ELL2: variants seen among roughly 807,000 people sequenced by gnomAD.
The protein encoded by ELL2 is RNA polymerase II elongation factor ELL2.
A neutral mutation model predicts 72.8 loss-of-function variants in ELL2; 21 were observed. The ratio of observed to expected loss-of-function variants is 0.29; its 90% CI spans 0.20 to 0.42. The LOEUF (loss-of-function observed/expected upper bound fraction) is 0.42. Ranked by LOEUF, ELL2 falls within the 10% of genes least tolerant of loss-of-function variation. The pLI is 1.00. For synonymous variants in ELL2, 266 were observed against 283.2 expected (o/e 0.94, Z 0.61); for missense variants, 568 against 772.8 (o/e 0.73, Z 3.14).
intron 2 of ELL2, among the ~76,000 whole-genome samples, chr5:95,927,385 GTGTA>G (rs1279160200): frequency 1.4e-5 from 1 of 73,692 alleles, no homozygotes; most frequent in Non-Finnish European, 2.4e-5. Flanking sequence ...ACACACACGT[GTGTA>G]TATATAGACA....
chr5:95,905,161 A>T (rs11744881), intron 5 of ELL2, among the ~76,000 whole-genome samples: 50,075 of 151,756 alleles, frequency 0.33, 9,038 homozygotes, highest in African/African-American at 0.49. Flanking sequence ...GATGCTCTAG[A>T]TTCTATCAAA....
At chr5:95,959,985 G>T (rs1225351882) in intron 1 of ELL2, among the ~76,000 whole-genome samples, 1 of 152,118 alleles carries the variant, frequency 6.6e-6, no homozygotes, top group Non-Finnish European at 1.5e-5. Context: ...TATGGGGTGG[G>T]GGGGCTCTCT....
intron 2 of ELL2, among the ~76,000 whole-genome samples, chr5:95,932,411 A>G (rs1320471614): frequency 3.9e-5 from 6 of 152,220 alleles, no homozygotes; most frequent in Admixed American, 2.6e-4. Flanking sequence ...CTATGCCTTC[A>G]CATAGAGAAA....
intron 1 of ELL2, among the ~76,000 whole-genome samples, chr5:95,961,219 T>C (rs1751834727): frequency 6.6e-6 from 1 of 151,898 alleles, no homozygotes; most frequent in South Asian, 2.1e-4. Context: ...CCGCCGAGGG[T>C]AGCGTGGTCA....
intron 4 of ELL2, among the ~76,000 whole-genome samples, chr5:95,910,814 A>T (rs1749561345): frequency 6.6e-6 from 1 of 152,244 alleles, no homozygotes; most frequent in Admixed American, 6.5e-5. Flanking sequence ...AAGCTGGCAT[A>T]GGTAAACTTC....
intron 4 of ELL2, among the ~76,000 whole-genome samples, chr5:95,907,292 A>ACATTTTTTTTTTT (rs1554075681): frequency 1.3e-5 from 1 of 76,042 alleles, no homozygotes; most frequent in African/African-American, 7.4e-5. Flanking sequence ...ATATATATAT[A>ACATTTTTTTTTTT]TATATTTTTT....
At position 95,934,249 on chromosome 5, in the gene ELL2, T is replaced by C. The variant is rs536163742; in HGVS notation, c.195+8753A>G. Among the ~76,000 whole-genome samples, 113 of 152,274 alleles carry C rather than the reference T, an allele frequency of 7.4e-4. 1 individual carries two copies. The highest frequency in any genetic ancestry group is 2.1e-3 in the African/African-American group (89 of 41,538). On this transcript the variant is annotated intron_variant, in intron 2 of 11. Transcript: ENST00000237853. ...CATAACATACCTTACTAAGTGGTTATTAAACCCTAGGCTTTTCATGTATTA... is the reference window on the plus strand; with the variant it reads ...CATAACATACCTTACTAAGTGGTTACTAAACCCTAGGCTTTTCATGTATTA...
At chr5:95,947,531 C>G (rs1486898219) in intron 1 of ELL2, among the ~76,000 whole-genome samples, 1 of 152,126 alleles carries the variant, frequency 6.6e-6, no homozygotes, top group African/African-American at 2.4e-5. Flanking sequence ...CTCCTAAAAC[C>G]AGCCCTGGGT....
At chr5:95,906,245 T>C (rs1749355117) in intron 5 of ELL2, among the ~76,000 whole-genome samples, 1 of 152,162 alleles carries the variant, frequency 6.6e-6, no homozygotes, top group Admixed American at 6.5e-5. Context: ...TAAAAACAGA[T>C]AACAAACACT....
intron 2 of ELL2, among the ~76,000 whole-genome samples, chr5:95,935,921 C>T (rs1381425101): frequency 6.6e-6 from 1 of 152,190 alleles, no homozygotes; most frequent in Non-Finnish European, 1.5e-5. Context: ...AATCTGACCA[C>T]ATGACTCCCT....
In ELL2 at chr5:95,947,974, T is replaced by C. The variant is rs76300465; in HGVS notation, c.148-4925A>G. On this transcript the variant is annotated intron_variant, in intron 1 of 11. Transcript: ENST00000237853. ...AAAACACTCATTTATGGAATAGTTGTATGTACTTATCCAAACAGGGCAAAC... is the reference window on the plus strand; with the variant it reads ...AAAACACTCATTTATGGAATAGTTGCATGTACTTATCCAAACAGGGCAAAC... Among the ~76,000 whole-genome samples the C allele has an allele frequency of 7.0e-3, 1,065 of 152,310 alleles. 11 individuals are homozygous for C. The highest frequency in any genetic ancestry group is 0.025 in the African/African-American group (1,025 of 41,570).
intron 2 of ELL2, among the ~76,000 whole-genome samples, chr5:95,938,152 A>C (rs1280418762): frequency 1.3e-5 from 2 of 152,240 alleles, no homozygotes; most frequent in African/African-American, 4.8e-5. Context: ...GGGGATAAAA[A>C]AACGAGAAGA....
At chr5:95,929,889 C>A (rs1580518059) in intron 2 of ELL2, among the ~76,000 whole-genome samples, 2 of 152,054 alleles carry the variant, frequency 1.3e-5, no homozygotes, top group Admixed American at 1.3e-4. Context: ...CTATGTTTAG[C>A]CCCAAAGCCT....
At chr5:95,929,996 T>A (rs962169602) in intron 2 of ELL2, among the ~76,000 whole-genome samples, 11 of 152,328 alleles carry the variant, frequency 7.2e-5, no homozygotes, top group African/African-American at 2.4e-4. Context: ...ACTCGCCGAA[T>A]ACTCTGGCTT....
chr5:95,903,043 C>A (rs1749200749), intron 5 of ELL2, among the ~76,000 whole-genome samples: 2 of 151,994 alleles, frequency 1.3e-5, no homozygotes, highest in Admixed American at 1.3e-4. Context: ...CCCTTGGCCT[C>A]CTAAAGTGCT....
intron 1 of ELL2, among the ~76,000 whole-genome samples, chr5:95,948,448 A>AAAAAAAAAAAAAAAAAAC (rs1751257383): frequency 6.7e-6 from 1 of 150,346 alleles, no homozygotes; most frequent in African/African-American, 2.4e-5. Flanking sequence ...AAAAAAAAAA[A>AAAAAAAAAAAAAAAAAAC]AAAAAGCCAC....
intron 3 of ELL2, among the ~76,000 whole-genome samples, chr5:95,914,307 G>A (rs1210339901): frequency 2.0e-5 from 3 of 152,046 alleles, no homozygotes; most frequent in Non-Finnish European, 4.4e-5. Flanking sequence ...TTTAGTTTTA[G>A]TAAAACCACA....
At chr5:95,918,467 G>A (rs2547997) in intron 3 of ELL2, among the ~76,000 whole-genome samples, 5 of 151,938 alleles carry the variant, frequency 3.3e-5, no homozygotes, top group Admixed American at 1.3e-4. Flanking sequence ...AAAAAGTTAC[G>A]TAGACACCTT....
intron 9 of ELL2, among the ~76,000 whole-genome samples, chr5:95,893,971 A>T (rs1748765694): frequency 6.6e-6 from 1 of 152,116 alleles, no homozygotes; most frequent in Admixed American, 6.6e-5. Flanking sequence ...TAAATATGAA[A>T]TTAAGGCCAG....
Sources: allele counts gnomAD v4.1 joint callset (sites outside exome capture counted in the v4.1 genomes callset), GRCh38; gene constraint gnomAD v4.1.1; transcripts MANE v1.5; gene names NCBI Gene and HGNC (gene_info 2026-07-23, HGNC 2026-07-21).